CES5A: variants seen among roughly 807,000 people sequenced by gnomAD.
CES5A encodes carboxylesterase 5.
CES5A carries 67 observed loss-of-function variants against 62.9 expected under a neutral mutation model. The observed-to-expected ratio is 1.07, with a 90% CI of 0.88 to 1.31. The LOEUF is 1.31. Ranked by LOEUF, CES5A falls within the 50% of genes most tolerant of loss-of-function variation. The probability of loss-of-function intolerance (pLI) is 0.00; values close to 1 mark genes in which losing one functional copy is unlikely to be tolerated. For synonymous variants in CES5A, 296 were observed against 280.8 expected (o/e 1.05, Z -0.54); for missense variants, 748 against 708.5 (o/e 1.06, Z -0.63).
At chr16:55,858,959 T>C (rs1357791902) in intron 8 of CES5A, among the ~76,000 whole-genome samples, 2 of 152,162 alleles carry the variant, frequency 1.3e-5, no homozygotes, top group Non-Finnish European at 2.9e-5. Context: ...CATATATCTA[T>C]CACTCTCTGA....
At chr16:55,951,906 A>G (rs2034561674) in intron 1 of CES5A, among the ~76,000 whole-genome samples, 1 of 152,166 alleles carries the variant, frequency 6.6e-6, no homozygotes, top group Admixed American at 6.5e-5. Context: ...TGGATCAGGG[A>G]CAGTTAGAGA....
At chr16:55,871,496 T>C (rs2033583762) in intron 3 of CES5A, 129 bp downstream of exon 3, 2 of 996,654 alleles carry the variant, frequency 2.0e-6, no homozygotes, top group Non-Finnish European at 2.9e-6. Context: ...TTAAAAATTG[T>C]TGATGTGATT....
At chr16:55,905,573 G>C (rs1434029549) in intron 1 of CES5A, among the ~76,000 whole-genome samples, 1 of 151,878 alleles carries the variant, frequency 6.6e-6, no homozygotes, top group Non-Finnish European at 1.5e-5. Flanking sequence ...TACCATGTTG[G>C]TCAGGCTCGA....
At chr16:55,928,154 A>C (rs2034277105), upstream of CES5A, among the ~76,000 whole-genome samples, 1 of 152,046 alleles carries the variant, frequency 6.6e-6, no homozygotes, top group Non-Finnish European at 1.5e-5. Flanking sequence ...GAGGCAGGAG[A>C]ATGGCATGAA....
chr16:55,924,118 G>A (rs1377084625), intron 1 of CES5A, among the ~76,000 whole-genome samples: 1 of 151,860 alleles, frequency 6.6e-6, no homozygotes, highest in African/African-American at 2.4e-5. Context: ...AAAGAAAGAA[G>A]TCAAATTATC....
intron 1 of CES5A, among the ~76,000 whole-genome samples, chr16:55,901,077 G>A (rs1467282814): frequency 2.0e-5 from 3 of 152,068 alleles, no homozygotes; most frequent in Non-Finnish European, 2.9e-5. Flanking sequence ...TAATTCCCAC[G>A]TGTCATGGGA....
At chr16:55,883,996 A>G (rs184612195) in intron 1 of CES5A, among the ~76,000 whole-genome samples, 74 of 152,330 alleles carry the variant, frequency 4.9e-4, no homozygotes, top group Non-Finnish European at 8.4e-4. Context: ...TAGCAATGTC[A>G]CTTCAGAATC....
At chr16:55,930,702 C>T (rs78218486) in intron 2 of CES5A, among the ~76,000 whole-genome samples, 1,730 of 152,276 alleles carry the variant, frequency 0.011, 56 homozygotes, top group East Asian at 0.094. Flanking sequence ...GTTCTAATCA[C>T]GGTTGTAATT....
At chr16:55,930,477 G>A (rs528855889) in intron 2 of CES5A, among the ~76,000 whole-genome samples, 1 of 152,224 alleles carries the variant, frequency 6.6e-6, no homozygotes, top group East Asian at 1.9e-4. Context: ...CATAAGAGAG[G>A]GTCTATTATA....
At chr16:55,872,153 C>A (rs866494082) in intron 2 of CES5A, among the ~76,000 whole-genome samples, 6 of 152,260 alleles carry the variant, frequency 3.9e-5, no homozygotes, top group Admixed American at 3.3e-4. Context: ...TTTGCCCCTG[C>A]GGCTCCCTAT....
chr16:55,925,684 A>C (rs2142463818), upstream of CES5A, among the ~76,000 whole-genome samples: 1 of 152,262 alleles, frequency 6.6e-6, no homozygotes, highest in South Asian at 2.1e-4. Context: ...TTTCAGCCAT[A>C]AGAATGAAAT....
chr16:55,900,665 C>T (rs2033981435), intron 1 of CES5A, among the ~76,000 whole-genome samples: 1 of 152,122 alleles, frequency 6.6e-6, no homozygotes, highest in South Asian at 2.1e-4. Flanking sequence ...GGTGATTGTC[C>T]AGAGGGAAAA....
At chr16:55,930,457 A>C (rs1352558733), upstream of CES5A, among the ~76,000 whole-genome samples, 1 of 152,172 alleles carries the variant, frequency 6.6e-6, no homozygotes, top group Admixed American at 6.5e-5. Context: ...TCACTACTAC[A>C]AGGAGTTATC....
chr16:55,860,931 T>G (rs1434865251), intron 7 of CES5A, among the ~76,000 whole-genome samples: 4 of 152,220 alleles, frequency 2.6e-5, no homozygotes, highest in Non-Finnish European at 5.9e-5. Context: ...TGTCACTGAT[T>G]GAAAGTTTGT....
intron 5 of CES5A, among the ~76,000 whole-genome samples, chr16:55,863,706 T>A (rs1335045513): frequency 1.3e-5 from 2 of 152,152 alleles, no homozygotes; most frequent in Non-Finnish European, 2.9e-5. Flanking sequence ...TCCTTCACTT[T>A]CTACCTAGGT....
In CES5A at chr16:55,938,290, C is replaced by T. The variant is rs144043588; in HGVS notation, c.160+11495G>A. ...AGACTTGCAAACATGCTCTCTGGCTCCATACTGAGACCCAGCTTCTCTGCC... is the reference window on the plus strand; with the variant it reads ...AGACTTGCAAACATGCTCTCTGGCTTCATACTGAGACCCAGCTTCTCTGCC... On this transcript the variant is annotated intron_variant, in intron 2 of 13. Transcript: ENST00000521992. 1.9e-4 allele frequency among the ~76,000 whole-genome samples: 29 copies of T among 152,246 alleles called. No homozygotes were observed. In the East Asian group the frequency reaches 5.6e-3, roughly 29 times the overall value.
chr16:55,949,388 C>T (rs1383745361), intron 2 of CES5A, among the ~76,000 whole-genome samples: 1 of 152,214 alleles, frequency 6.6e-6, no homozygotes, highest in Non-Finnish European at 1.5e-5. Context: ...ATTCTTTTAT[C>T]TGAGGCAATC....
intron 1 of CES5A, among the ~76,000 whole-genome samples, chr16:55,896,733 C>G (rs1292181731): frequency 6.6e-6 from 1 of 152,188 alleles, no homozygotes; most frequent in African/African-American, 2.4e-5. Context: ...CACAATCTGA[C>G]AGGCACTGTA....
Position 55,873,921 on chromosome 16 carries a change from C to A in CES5A, c.190G>T (p.Ala64Ser). 3 of 1,613,902 alleles carry A rather than the reference C, an allele frequency of 1.9e-6. No homozygotes were observed. The highest frequency in any genetic ancestry group is 2.5e-6 in the Non-Finnish European group (3 of 1,180,016). The change falls in exon 2 of 13, where the codon GCT (alanine) becomes TCT (serine). Residue 64 changes from alanine to serine, a missense_variant. By Grantham distance (99) the Ala-to-Ser change is moderately conservative. Transcript: ENST00000290567. ...VNVFLGVPFA[A>S]PPLGSLRFTN... is the part of the protein sequence containing the mutation. ...AATCGCAGGGATCCCAGCGGGGGAG[C>A]AGCAAAGGGGACTCCGAGGAACACG... is the stretch of plus-strand genomic sequence containing the variant.
Sources: gnomAD v4.1 joint callset for allele counts (sites outside exome capture counted in the v4.1 genomes callset) on GRCh38, gnomAD v4.1.1 for gene constraint, MANE v1.5 for transcripts, NCBI Gene and HGNC (gene_info 2026-07-23, HGNC 2026-07-21) for gene names.